The following OSBPL2 variants were observed in gnomAD, a reference collection of about 807,000 sequenced individuals.
OSBPL2 encodes the protein oxysterol-binding protein-related protein 2.
Under a neutral mutation model 58.4 loss-of-function variants are expected in OSBPL2, and 18 were observed. The observed-to-expected ratio is 0.31, with a 90% CI of 0.21 to 0.46. The LOEUF is 0.46. Among genes scored for constraint, OSBPL2 ranks in the 20% least tolerant of loss-of-function variants. The probability of loss-of-function intolerance (pLI) is 1.00; values close to 1 mark genes in which losing one functional copy is unlikely to be tolerated. For missense variants in OSBPL2, 461 were observed against 616.5 expected (o/e 0.75, Z 2.67); for synonymous variants, 221 against 234.1 (o/e 0.94, Z 0.51).
intron 2 of OSBPL2, among the ~76,000 whole-genome samples, chr20:62,257,791 T>C (rs1244235618): frequency 1.3e-5 from 2 of 151,594 alleles, no homozygotes; most frequent in East Asian, 3.9e-4. Flanking sequence ...CTCAGCTCAC[T>C]GCAACCTCCT....
intron 7 of OSBPL2, chr20:62,280,042 G>A: frequency 7.7e-7 from 1 of 1,304,252 alleles, no homozygotes; most frequent in African/African-American, 1.5e-5. Context: ...CAAAACACAA[G>A]TCTCCAACAA....
At chr20:62,270,375 C>T (rs1981980336) in intron 4 of OSBPL2, among the ~76,000 whole-genome samples, 1 of 142,212 alleles carries the variant, frequency 7.0e-6, no homozygotes, top group South Asian at 2.4e-4. Context: ...CTCCTTGTCC[C>T]TCCCTGACCT....
At chr20:62,267,418 G>A (rs888112884) in intron 4 of OSBPL2, among the ~76,000 whole-genome samples, 4 of 152,150 alleles carry the variant, frequency 2.6e-5, no homozygotes, top group African/African-American at 9.7e-5. Context: ...TCTTCAAGGT[G>A]GCCCGGAGTC....
At chr20:62,252,543 G>A (rs1980627346) in intron 1 of OSBPL2, among the ~76,000 whole-genome samples, 1 of 152,202 alleles carries the variant, frequency 6.6e-6, no homozygotes, top group Non-Finnish European at 1.5e-5. Flanking sequence ...GGCCAGCTCT[G>A]CTGGGCGAGG....
intron 1 of OSBPL2, among the ~76,000 whole-genome samples, chr20:62,250,277 G>C (rs1980436400): frequency 6.6e-6 from 1 of 152,184 alleles, no homozygotes; most frequent in African/African-American, 2.4e-5. Context: ...TCTGGGCCTT[G>C]GTAAGTGTAG....
chr20:62,247,423 C>T (rs761546088), intron 1 of OSBPL2, among the ~76,000 whole-genome samples: 31 of 152,214 alleles, frequency 2.0e-4, no homozygotes, highest in Non-Finnish European at 3.2e-4. Context: ...GCCCCCACGC[C>T]GCAGCTGCCT....
In OSBPL2 at chr20:62,284,142, A is replaced by T; in HGVS notation, c.969A>T (p.Arg323Ser). ...AATCCTTCAAGAAGCAGGAGAGGAGAGGTGACCACCTGAGAAAGGCCAAGC... is the reference window on the plus strand; with the variant it reads ...AATCCTTCAAGAAGCAGGAGAGGAGTGGTGACCACCTGAGAAAGGCCAAGC... ...SYESFKKQER[R>S]GDHLRKAKLD... Residue 323 changes from arginine to serine, a missense_variant, in exon 10 of 14, where the codon AGA becomes AGT. Arg to Ser is a moderately radical substitution (Grantham distance 110). This residue lies in a region of OSBPL2 where 319 missense variants were observed against 419.2 expected (regional missense o/e 0.76). Coordinates refer to ENST00000313733, the MANE Select transcript of OSBPL2 (RefSeq NM_144498.4). The T allele has an allele frequency of 6.2e-7, 1 of 1,614,052 alleles. No individual in the cohort carries two copies. The highest frequency in any genetic ancestry group is 1.1e-5 in the South Asian group (1 of 91,064).
intron 4 of OSBPL2, among the ~76,000 whole-genome samples, chr20:62,271,381 G>C (rs544060009): frequency 3.3e-5 from 5 of 152,200 alleles, no homozygotes; most frequent in Non-Finnish European, 5.9e-5. Flanking sequence ...AGGTGTGTCC[G>C]AGGCATCCTG....
At chr20:62,263,515 G>A in intron 3 of OSBPL2, 101 bp from the exon 4 acceptor site, 4 of 925,434 alleles carry the variant, frequency 4.3e-6, no homozygotes, top group Non-Finnish European at 7.0e-6. Context: ...CCAATGTTTA[G>A]GAGTAAAAAT....
intron 2 of OSBPL2, among the ~76,000 whole-genome samples, chr20:62,258,778 G>A (rs996178741): frequency 2.5e-4 from 38 of 152,190 alleles, no homozygotes; most frequent in Non-Finnish European, 4.4e-4. Flanking sequence ...CCTGCCCCAC[G>A]GAATTCCCTT....
Position 62,284,123 on chromosome 20 carries a change from T to C in OSBPL2, c.950T>C (p.Phe317Ser), listed in dbSNP as rs750594907. ...ATAGATCCTGTTTCGTATGAATCCT[T>C]CAAGAAGCAGGAGAGGAGAGGTGAC... Reference protein sequence around the residue: ...WGIDPVSYESFKKQERRGDHL... With the variant: ...WGIDPVSYESSKKQERRGDHL... Residue 317 changes from phenylalanine (F) to serine (S), a missense_variant, in exon 10 of 14, where the codon TTC becomes TCC. Physicochemically the swap from Phe to Ser is radical, Grantham distance 155. Transcript: ENST00000313733. 5 of 1,614,112 alleles carry C rather than the reference T, an allele frequency of 3.1e-6. No individual in the cohort carries two copies. Among genetic ancestry groups the C allele is most frequent in the Admixed American group, 1.7e-5 (1 of 60,016 alleles).
At chr20:62,262,346 C>T (rs1235586634) in intron 3 of OSBPL2, among the ~76,000 whole-genome samples, 1 of 152,200 alleles carries the variant, frequency 6.6e-6, no homozygotes, top group Non-Finnish European at 1.5e-5. Flanking sequence ...GGTGTGTCAG[C>T]TCCCTCTGCT....
At chr20:62,245,433 G>T (rs1290654468) in intron 1 of OSBPL2, among the ~76,000 whole-genome samples, 1 of 152,172 alleles carries the variant, frequency 6.6e-6, no homozygotes, top group Non-Finnish European at 1.5e-5. Flanking sequence ...CATTCTGTGT[G>T]GTGTTAGGGA....
At chr20:62,282,792 G>T (rs905339261) in intron 9 of OSBPL2, among the ~76,000 whole-genome samples, 1 of 152,312 alleles carries the variant, frequency 6.6e-6, no homozygotes, top group African/African-American at 2.4e-5. Flanking sequence ...ACGCCAATGC[G>T]CTCCAGCCGG....
In OSBPL2 at chr20:62,238,569, C is replaced by G. The variant is rs1387151985; in HGVS notation, c.-157C>G. ...GGCGGGGGCGGGGCGGCAGTGAGCT[C>G]GGCCGGCAACCGAGGGACCCGCGTC... On this transcript the variant is annotated 5_prime_UTR_variant, in exon 1 of 14. Coordinates refer to ENST00000313733, the MANE Select transcript of OSBPL2 (RefSeq NM_144498.4). 1 of 149,438 alleles carries G rather than the reference C, an allele frequency of 6.7e-6. No individual in the cohort carries two copies. The highest frequency in any genetic ancestry group is 1.5e-5 in the Non-Finnish European group (1 of 66,958). The allele number at this position is 149,438 out of a possible 1,614,324, so 9.3% of individuals were successfully genotyped here.
rs148502136 is a variant in OSBPL2, at chr20:62,270,132, C to T, written c.259-1993C>T. Among the ~76,000 whole-genome samples the T allele has an allele frequency of 2.3e-4, 35 of 152,362 alleles. No homozygotes were observed. The East Asian group carries it at 6.0e-3, about 26-fold the overall frequency. ...GTGCACACCCCGCCCACCCTCCGTCCACCCTGCGCATGCAGTGCCTGTGGT... is the reference window on the plus strand; with the variant it reads ...GTGCACACCCCGCCCACCCTCCGTCTACCCTGCGCATGCAGTGCCTGTGGT... On this transcript the variant is annotated intron_variant, in intron 4 of 13. Coordinates refer to ENST00000313733, the MANE Select transcript of OSBPL2 (RefSeq NM_144498.4).
At chr20:62,274,059 A>C (rs943509927) in intron 6 of OSBPL2, among the ~76,000 whole-genome samples, 4 of 152,024 alleles carry the variant, frequency 2.6e-5, no homozygotes, top group African/African-American at 4.8e-5. Flanking sequence ...CCCTCACCTC[A>C]CAGACGTGAG....
intron 5 of OSBPL2, among the ~76,000 whole-genome samples, chr20:62,272,983 G>T (rs1568842454): frequency 6.6e-6 from 1 of 152,230 alleles, no homozygotes; most frequent in African/African-American, 2.4e-5. Context: ...GAGTGCTTGG[G>T]GTGTGTGTGT....
chr20:62,276,818 T>C (rs1372912340), intron 6 of OSBPL2, among the ~76,000 whole-genome samples: 1 of 152,194 alleles, frequency 6.6e-6, no homozygotes, highest in Non-Finnish European at 1.5e-5. Flanking sequence ...TAGAGTGTGC[T>C]TCCTTTTCTA....
Sources: gnomAD v4.1 joint callset for allele counts (sites outside exome capture counted in the v4.1 genomes callset) on GRCh38, gnomAD v4.1.1 for gene constraint, gnomAD v4.1.1 regional missense constraint, MANE v1.5 for transcripts, NCBI Gene and HGNC (gene_info 2026-07-23, HGNC 2026-07-21) for gene names.